The following LURAP1L variants were observed in gnomAD, a reference collection of about 807,000 sequenced individuals.
The protein encoded by LURAP1L is leucine rich adaptor protein 1-like.
A neutral mutation model predicts 13.8 loss-of-function variants in LURAP1L; 12 were observed. That is an observed-to-expected ratio of 0.87 (90% CI 0.56 to 1.41). The LOEUF (loss-of-function observed/expected upper bound fraction) is 1.41. LURAP1L is among the 40% of genes most tolerant of loss of function. The probability of loss-of-function intolerance (pLI) is 0.00; values close to 1 mark genes in which losing one functional copy is unlikely to be tolerated. For missense variants in LURAP1L, 375 were observed against 292.9 expected, an observed-to-expected ratio of 1.28 and a Z score of -2.04; for synonymous variants, 139 against 119.2, an observed-to-expected ratio of 1.17 and a Z score of -1.08.
intron 1 of LURAP1L, among the ~76,000 whole-genome samples, chr9:12,797,263 C>T (rs368312370): frequency 3.7e-4 from 56 of 151,974 alleles, no homozygotes; most frequent in African/African-American, 1.2e-3. Flanking sequence ...TGCTCCTTAC[C>T]CTACTTCCTG....
rs1586871318 is a variant in LURAP1L at position 12,775,596 on chromosome 9, C to G, written c.-120C>G. 19 of 1,424,842 alleles carry G rather than the reference C, an allele frequency of 1.3e-5. No homozygotes were observed. In the East Asian group the frequency reaches 3.0e-4, roughly 23 times the overall value. The allele number at this position is 1,424,842 out of a possible 1,614,324, so 88.3% of individuals were successfully genotyped here. On this transcript the variant is annotated 5_prime_UTR_variant, in exon 1 of 2. Coordinates refer to ENST00000319264, the MANE Select transcript of LURAP1L (RefSeq NM_203403.2). ...TTATGGAAAGGACGGTACACCGGAG[C>G]GGCGGAGGATAGAGACCCTGGCCCC... is the stretch of plus-strand genomic sequence containing the variant.
At chr9:12,780,797 A>T (rs10809845) in intron 1 of LURAP1L, among the ~76,000 whole-genome samples, 120,219 of 151,800 alleles carry the variant, frequency 0.79, 49,188 homozygotes, top group Non-Finnish European at 0.91. Flanking sequence ...TACAGTAATA[A>T]ATTGTATAAA....
chr9:12,808,169 C>T (rs2118529776), intron 1 of LURAP1L, among the ~76,000 whole-genome samples: 1 of 151,760 alleles, frequency 6.6e-6, no homozygotes, highest in African/African-American at 2.4e-5. Context: ...AATGCTCTTC[C>T]ATTTTTTTTA....
chr9:12,820,501 C>CCCA, intron 1 of LURAP1L, among the ~76,000 whole-genome samples: 1 of 26,152 alleles, frequency 3.8e-5, no homozygotes, highest in African/African-American at 1.8e-4. Flanking sequence ...AGACTCCGTC[C>CCCA]CCCCCCCCCC....
chr9:12,807,201 G>T (rs1429730544), intron 1 of LURAP1L, among the ~76,000 whole-genome samples: 1 of 132,934 alleles, frequency 7.5e-6, no homozygotes, highest in Non-Finnish European at 1.6e-5. Context: ...GGGAGGCGCA[G>T]CTTGCAGTGA....
chr9:12,776,154 T>A, intron 1 of LURAP1L, 127 bp downstream of exon 1: 1 of 971,908 alleles, frequency 1.0e-6, no homozygotes, highest in Non-Finnish European at 1.5e-6. Context: ...GCGTGGGAAA[T>A]GCTGGGTGGA....
chr9:12,790,348 G>C (rs1357187738), intron 1 of LURAP1L, among the ~76,000 whole-genome samples: 1 of 152,066 alleles, frequency 6.6e-6, no homozygotes, highest in African/African-American at 2.4e-5. Flanking sequence ...GCCAATTATT[G>C]AGGGACTAAG....
intron 1 of LURAP1L, among the ~76,000 whole-genome samples, chr9:12,808,594 G>C (rs1056844889): frequency 6.6e-5 from 10 of 151,792 alleles, no homozygotes; most frequent in African/African-American, 2.4e-4. Flanking sequence ...GTATAAGTTT[G>C]GTGTAAATCT....
intron 1 of LURAP1L, among the ~76,000 whole-genome samples, chr9:12,819,500 C>T (rs10960813): frequency 0.14 from 21,488 of 152,072 alleles, 1,816 homozygotes; most frequent in East Asian, 0.28. Flanking sequence ...GAGGACAATT[C>T]GCTCTTTTCT....
chr9:12,787,353 T>C (rs532069822), intron 1 of LURAP1L, among the ~76,000 whole-genome samples: 2 of 152,216 alleles, frequency 1.3e-5, no homozygotes, highest in African/African-American at 2.4e-5. Context: ...TATATGTATA[T>C]ATATGCACTT....
rs140390906 is a variant in LURAP1L at position 12,804,611 on chromosome 9, C to T, written c.313-16775C>T. 1.8e-3 allele frequency among the ~76,000 whole-genome samples: 270 copies of T among 152,014 alleles called. 1 individual carries two copies. The highest frequency in any genetic ancestry group is 3.0e-3 in the Non-Finnish European group (201 of 67,990). Reference sequence around the variant, plus strand: ...GCTTGCCTCGGCCTCCAAAAGTATTCGGATTACAGGTGTGAGCCACCATGC... The same window carrying T: ...GCTTGCCTCGGCCTCCAAAAGTATTTGGATTACAGGTGTGAGCCACCATGC... On this transcript the variant is annotated intron_variant, in intron 1 of 1. Coordinates refer to ENST00000319264, the MANE Select transcript of LURAP1L (RefSeq NM_203403.2).
At chr9:12,777,292 G>C in intron 1 of LURAP1L, 7 of 985,314 alleles carry the variant, frequency 7.1e-6, no homozygotes, top group Non-Finnish European at 8.4e-6. Flanking sequence ...TAGATGAAAA[G>C]ATAAAATGGA....
At chr9:12,809,084 A>C (rs1455371495) in intron 1 of LURAP1L, among the ~76,000 whole-genome samples, 1 of 152,124 alleles carries the variant, frequency 6.6e-6, no homozygotes, top group Non-Finnish European at 1.5e-5. Flanking sequence ...ACATTCTTTT[A>C]AACAACCAGG....
At chr9:12,813,131 A>G (rs1339869022) in intron 1 of LURAP1L, among the ~76,000 whole-genome samples, 1 of 152,078 alleles carries the variant, frequency 6.6e-6, no homozygotes, top group Non-Finnish European at 1.5e-5. Flanking sequence ...TTCATTCCGT[A>G]CCTCCTCAAT....
At chr9:12,776,050 G>T in intron 1 of LURAP1L, 23 bp downstream of exon 1, 1 of 1,610,360 alleles carries the variant, frequency 6.2e-7, no homozygotes, top group Non-Finnish European at 8.5e-7. Flanking sequence ...CGCCAGCCGC[G>T]GGGGCTGGGA....
intron 1 of LURAP1L, among the ~76,000 whole-genome samples, chr9:12,802,125 A>G (rs933906154): frequency 6.6e-6 from 1 of 152,156 alleles, no homozygotes; most frequent in Admixed American, 6.5e-5. Flanking sequence ...TTCCCTACAC[A>G]GCCCAAATTA....
At chr9:12,807,094 A>AAT (rs71329889) in intron 1 of LURAP1L, among the ~76,000 whole-genome samples, 7,284 of 116,024 alleles carry the variant, frequency 0.063, 560 homozygotes, top group African/African-American at 0.11. Flanking sequence ...TCTCTACTAA[A>AAT]ATATATATAT....
chr9:12,797,548 A>T (rs1267529995), intron 1 of LURAP1L, among the ~76,000 whole-genome samples: 1 of 152,128 alleles, frequency 6.6e-6, no homozygotes, highest in Non-Finnish European at 1.5e-5. Context: ...ATCTACCAGG[A>T]TTTTCATTAT....
chr9:12,777,357 G>A, intron 1 of LURAP1L: 1 of 985,346 alleles, frequency 1.0e-6, no homozygotes, highest in Non-Finnish European at 1.2e-6. Context: ...ACAAAGATCA[G>A]ACATACGTGT....
Sources: gnomAD v4.1 joint callset for allele counts (sites outside exome capture counted in the v4.1 genomes callset) on GRCh38, gnomAD v4.1.1 for gene constraint, MANE v1.5 for transcripts, NCBI Gene and HGNC (gene_info 2026-07-23, HGNC 2026-07-21) for gene names.